IL1RAPL2: variants seen among roughly 807,000 people sequenced by gnomAD.
IL1RAPL2 encodes interleukin 1 receptor accessory protein like 2.
In IL1RAPL2, 3 loss-of-function variants were observed where a neutral mutation model predicts 44.1. That is an observed-to-expected ratio of 0.07 (90% CI 0.03 to 0.18). The LOEUF (loss-of-function observed/expected upper bound fraction) is 0.18. Ranked by LOEUF, IL1RAPL2 falls within the 10% of genes least tolerant of loss-of-function variation. IL1RAPL2 has a pLI of 1.00. For synonymous variants in IL1RAPL2, 181 were observed against 178.8 expected (o/e 1.01, Z -0.10); for missense variants, 391 against 496.4 (o/e 0.79, Z 2.02).
chrX:104,946,410 C>CAAAAAAAAAAACTT (rs1925363983), intron 2 of IL1RAPL2, among the ~76,000 whole-genome samples: 1 of 20,973 alleles, frequency 4.8e-5, no homozygotes, highest in African/African-American at 1.3e-4. Flanking sequence ...AAAAAAAAAA[C>CAAAAAAAAAAACTT]TTTTTAAAAA....
At chrX:105,408,563 A>C (rs2035667638) in intron 5 of IL1RAPL2, among the ~76,000 whole-genome samples, 1 of 111,593 alleles carries the variant, frequency 9.0e-6, no homozygotes, top group African/African-American at 3.3e-5. Flanking sequence ...AGGAGATCAG[A>C]CCTTTACAAG....
intron 6 of IL1RAPL2, among the ~76,000 whole-genome samples, chrX:105,559,578 C>T (rs6621980): frequency 0.51 from 56,289 of 110,501 alleles, 11,609 homozygotes; most frequent in East Asian, 0.77. Context: ...TGGAGGTACC[C>T]CACATGTGCT....
intron 3 of IL1RAPL2, among the ~76,000 whole-genome samples, chrX:105,222,171 G>T (rs2033971745): frequency 9.0e-6 from 1 of 111,617 alleles, no homozygotes; most frequent in Admixed American, 9.5e-5. Flanking sequence ...GTACCTAAGG[G>T]ACTAAGCCAT....
chrX:105,280,482 G>A (rs1272546812), intron 5 of IL1RAPL2, among the ~76,000 whole-genome samples: 1 of 111,813 alleles, frequency 8.9e-6, no homozygotes. Flanking sequence ...TATCATCAGA[G>A]TGAACAGGCA....
At chrX:104,764,813 C>A (rs1189523946) in intron 2 of IL1RAPL2, among the ~76,000 whole-genome samples, 1 of 112,064 alleles carries the variant, frequency 8.9e-6, no homozygotes, top group Non-Finnish European at 1.9e-5. Context: ...TTGAAATGAT[C>A]ACTAGGTTTT....
intron 2 of IL1RAPL2, among the ~76,000 whole-genome samples, chrX:104,673,979 C>G (rs1483938159): frequency 9.0e-6 from 1 of 111,294 alleles, no homozygotes; most frequent in Admixed American, 9.5e-5. Context: ...AGTTGCTTAT[C>G]AGCTTAAGGA....
chrX:105,027,120 T>A (rs772353285), intron 2 of IL1RAPL2, among the ~76,000 whole-genome samples: 8 of 111,699 alleles, frequency 7.2e-5, no homozygotes, highest in African/African-American at 2.6e-4. Context: ...GATATCCATA[T>A]GCAGAAGAGA....
chrX:105,421,155 T>C (rs62604968), intron 5 of IL1RAPL2, among the ~76,000 whole-genome samples: 23,908 of 110,585 alleles, frequency 0.22, 2,559 homozygotes, highest in Middle Eastern at 0.32. Flanking sequence ...TGAACATTGG[T>C]TCGGTTCAGA....
At chrX:104,994,865 G>A (rs2030721436) in intron 2 of IL1RAPL2, among the ~76,000 whole-genome samples, 1 of 110,836 alleles carries the variant, frequency 9.0e-6, no homozygotes, top group African/African-American at 3.3e-5. Flanking sequence ...GATACACTAG[G>A]AGACTTGCAA....
chrX:104,882,194 G>A (rs1164568073), intron 2 of IL1RAPL2, among the ~76,000 whole-genome samples: 1 of 111,831 alleles, frequency 8.9e-6, no homozygotes, highest in Non-Finnish European at 1.9e-5. Context: ...AAACACGGAA[G>A]AATAACAAAA....
intron 2 of IL1RAPL2, among the ~76,000 whole-genome samples, chrX:105,093,985 G>T (rs181832603): frequency 1.4e-3 from 154 of 111,932 alleles, no homozygotes; most frequent in African/African-American, 4.6e-3. Context: ...GGTCAGTATT[G>T]CCTGGAATCC....
intron 8 of IL1RAPL2, 23 bp downstream of exon 8, chrX:105,740,714 CTA>C (rs2147575963): frequency 8.5e-7 from 1 of 1,172,936 alleles, no homozygotes; most frequent in East Asian, 3.0e-5. Context: ...ATAACTATAA[CTA>C]TGGTTTGCTT....
At chrX:104,989,314 G>C (rs781475998) in intron 2 of IL1RAPL2, among the ~76,000 whole-genome samples, 2 of 111,609 alleles carry the variant, frequency 1.8e-5, no homozygotes, top group Admixed American at 1.9e-4. Flanking sequence ...TAGTCCCAAA[G>C]AGAGACTGAA....
intron 2 of IL1RAPL2, among the ~76,000 whole-genome samples, chrX:105,178,571 A>G (rs1403779823): frequency 1.8e-5 from 2 of 111,719 alleles, no homozygotes; most frequent in African/African-American, 6.5e-5. Context: ...AAATTGCCAT[A>G]CTGTTTTCCA....
intron 2 of IL1RAPL2, among the ~76,000 whole-genome samples, chrX:104,789,248 T>G (rs1361593253): frequency 8.9e-6 from 1 of 111,998 alleles, no homozygotes; most frequent in African/African-American, 3.2e-5. Context: ...ACCATTGTAG[T>G]GAGCATAGTA....
chrX:105,618,269 AT>A (rs2037393133), intron 6 of IL1RAPL2, among the ~76,000 whole-genome samples: 2 of 109,731 alleles, frequency 1.8e-5, no homozygotes, highest in African/African-American at 6.6e-5. Flanking sequence ...ACACTGGGGT[AT>A]ATTGCAGGGT....
At chrX:105,016,225 G>C (rs902789456) in intron 2 of IL1RAPL2, among the ~76,000 whole-genome samples, 1 of 111,492 alleles carries the variant, frequency 9.0e-6, no homozygotes, top group Non-Finnish European at 1.9e-5. Flanking sequence ...TGAGACAATG[G>C]GGTTTTCTAA....
intron 6 of IL1RAPL2, among the ~76,000 whole-genome samples, chrX:105,659,530 G>A (rs753587737): frequency 2.8e-5 from 3 of 108,537 alleles, no homozygotes; most frequent in East Asian, 2.9e-4. Flanking sequence ...GGTGGCGGGC[G>A]CCTGTAGTCC....
chrX:104,790,335 G>A (rs1197495725), intron 2 of IL1RAPL2, among the ~76,000 whole-genome samples: 1 of 111,180 alleles, frequency 9.0e-6, no homozygotes, highest in Non-Finnish European at 1.9e-5. Flanking sequence ...GCTTTGGTCT[G>A]TGCCATTGGC....
Sources: gnomAD v4.1 joint callset for allele counts (sites outside exome capture counted in the v4.1 genomes callset) on GRCh38, gnomAD v4.1.1 for gene constraint, MANE v1.5 for transcripts, NCBI Gene and HGNC (gene_info 2026-07-23, HGNC 2026-07-21) for gene names.